STAT4: variants seen among roughly 807,000 people sequenced by gnomAD.
The protein encoded by STAT4 is signal transducer and activator of transcription 4.
A neutral mutation model predicts 110.5 loss-of-function variants in STAT4; 42 were observed. The observed-to-expected ratio is 0.38, with a 90% CI of 0.30 to 0.49. STAT4 has a LOEUF of 0.49. Ranked by LOEUF, STAT4 falls within the 20% of genes least tolerant of loss-of-function variation. The pLI is 0.95. For synonymous variants in STAT4, 284 were observed against 302.2 expected, an observed-to-expected ratio of 0.94 and a Z score of 0.63; for missense variants, 632 against 887.9, an observed-to-expected ratio of 0.71 and a Z score of 3.66.
At chr2:191,137,964 T>A (rs946114783) in intron 3 of STAT4, among the ~76,000 whole-genome samples, 11 of 152,226 alleles carry the variant, frequency 7.2e-5, no homozygotes, top group African/African-American at 2.4e-4. Context: ...ATTTTATGCT[T>A]ATGACCTCAA....
chr2:191,129,314 C>T (rs1698967059), intron 3 of STAT4, among the ~76,000 whole-genome samples: 1 of 152,104 alleles, frequency 6.6e-6, no homozygotes, highest in Admixed American at 6.5e-5. Flanking sequence ...AATGCACAGG[C>T]ATGGTGGTGC....
chr2:191,061,266 C>T lies in STAT4; in HGVS notation c.1034+463G>A, dbSNP rs1381365742. On this transcript the variant is annotated intron_variant, in intron 10 of 23. Transcript: ENST00000392320. This position sits in a 1 kb window ranked among gnomAD's most constrained non-coding sequence, Gnocchi z 6.2. ...TGGGTAATCTCAGGAGATGAATGTG[C>T]CACTGTGTTTCCTGGATAGGATATT... Among the ~76,000 whole-genome samples, 2 of 152,114 alleles carry T rather than the reference C, an allele frequency of 1.3e-5. No homozygotes were observed. The highest frequency in any genetic ancestry group is 1.9e-4 in the East Asian group (1 of 5,188).
chr2:191,030,830 C>G lies in STAT4; in HGVS notation c.2220+142G>C, dbSNP rs1695872014. Reference sequence around the variant, plus strand: ...GCAACACGCAGGACCATCCAGACACCTTTTGTGTTATGCTCATGAATTTGT... The same window carrying G: ...GCAACACGCAGGACCATCCAGACACGTTTTGTGTTATGCTCATGAATTTGT... On this transcript the variant is annotated intron_variant, in intron 23 of 23. Transcript: ENST00000392320. The surrounding 1 kb of genome is among the most constrained non-coding windows in gnomAD (Gnocchi z 4.4). 2 of 723,120 alleles carry G rather than the reference C, an allele frequency of 2.8e-6. No homozygotes were observed. The highest frequency in any genetic ancestry group is 1.8e-5 in the African/African-American group (1 of 56,942). 44.8% of individuals were successfully genotyped at this position (723,120 alleles called of 1,614,324 possible). A position where few individuals can be genotyped will look rare whatever the true frequency, so the allele number is the denominator to read the frequency against.
intron 3 of STAT4, among the ~76,000 whole-genome samples, chr2:191,121,638 G>T (rs1436644950): frequency 6.6e-6 from 1 of 152,008 alleles, no homozygotes; most frequent in African/African-American, 2.4e-5. Flanking sequence ...GGATGAAGCT[G>T]GAAACCATCA....
At chr2:191,034,031 G>C in intron 18 of STAT4, 26 bp from the exon 19 acceptor site, 1 of 1,437,636 alleles carries the variant, frequency 7.0e-7, no homozygotes, top group Non-Finnish European at 9.6e-7. Flanking sequence ...AGCACATTAA[G>C]ACAATGATTA....
At chr2:191,065,050 G>C (rs1696950524) in intron 7 of STAT4, 92 bp from the exon 8 acceptor site, 2 of 1,339,650 alleles carry the variant, frequency 1.5e-6, no homozygotes, top group South Asian at 3.7e-5. Context: ...GTAGACAAAG[G>C]CTTGGTTAAA....
Position 191,042,318 on chromosome 2 carries a change from A to G in STAT4, c.1252-1170T>C, listed in dbSNP as rs1696224768. Reference sequence around the variant, plus strand: ...AACAAAAAACTCAGAGGAAAAGCAAAAAGTAAAAATAAATAAATAAATAAA... The same window carrying G: ...AACAAAAAACTCAGAGGAAAAGCAAGAAGTAAAAATAAATAAATAAATAAA... On this transcript the variant is annotated intron_variant, in intron 14 of 23. Transcript: ENST00000392320. This position sits in a 1 kb window ranked among gnomAD's most constrained non-coding sequence, Gnocchi z 4.2. Among the ~76,000 whole-genome samples, 1 of 152,212 alleles carries G rather than the reference A, an allele frequency of 6.6e-6. No individual in the cohort carries two copies. The highest frequency in any genetic ancestry group is 1.5e-5 in the Non-Finnish European group (1 of 68,036).
chr2:191,073,637 C>G (rs909346502), intron 4 of STAT4, among the ~76,000 whole-genome samples: 2 of 152,198 alleles, frequency 1.3e-5, no homozygotes, highest in African/African-American at 2.4e-5. Context: ...TTGCATTGAG[C>G]TGAGATCGTG....
At chr2:191,108,483 AACTG>A (rs1438299596) in intron 3 of STAT4, among the ~76,000 whole-genome samples, 4 of 152,316 alleles carry the variant, frequency 2.6e-5, no homozygotes, top group African/African-American at 7.2e-5. Flanking sequence ...CAGATTCAGA[AACTG>A]ACTGTGAAGT....
At chr2:191,048,916 A>C (rs16833214) in intron 14 of STAT4, among the ~76,000 whole-genome samples, 1 of 151,476 alleles carries the variant, frequency 6.6e-6, no homozygotes, top group Non-Finnish European at 1.5e-5. Context: ...TATATGGTAC[A>C]TCACATTATA....
At chr2:191,128,822 C>T (rs17769459) in intron 3 of STAT4, among the ~76,000 whole-genome samples, 5,333 of 152,258 alleles carry the variant, frequency 0.035, 144 homozygotes, top group Non-Finnish European at 0.06. Flanking sequence ...CTGAGCAGAG[C>T]TTTCTAATTG....
chr2:191,065,078 T>C (rs1696951133), intron 7 of STAT4, 120 bp from the exon 8 acceptor site: 3 of 1,053,340 alleles, frequency 2.8e-6, no homozygotes, highest in Admixed American at 6.1e-5. Flanking sequence ...CCAAATATTT[T>C]ACTAAATGCT....
chr2:191,054,422 G>T (rs116395752), intron 14 of STAT4, 68 bp downstream of exon 14: 3 of 1,323,286 alleles, frequency 2.3e-6, no homozygotes, highest in East Asian at 2.3e-5. Context: ...CAGTTTAAAA[G>T]CTTTGTAAAA....
chr2:191,140,705 A>ACTG lies in STAT4; in HGVS notation c.273+5905_273+5907dup, dbSNP rs1435346857. 1.3e-5 allele frequency among the ~76,000 whole-genome samples: 2 copies of ACTG among 152,178 alleles called. No homozygotes were observed. Among genetic ancestry groups the ACTG allele is most frequent in the Non-Finnish European group, 2.9e-5 (2 of 68,016 alleles). On this transcript the variant is annotated intron_variant, in intron 3 of 23. Coordinates refer to ENST00000392320, the MANE Select transcript of STAT4 (RefSeq NM_003151.4). This position sits in a 1 kb window ranked among gnomAD's most constrained non-coding sequence, Gnocchi z 4.4. ...TGGAGATTCCTCAAAGAAAAGCAGA[A>ACTG]CTGCTATTTAATCCAGCAATCCCAC...
rs999247781 is a variant in STAT4 at position 191,032,709 on chromosome 2, G to A, written c.2044+249C>T. Among the ~76,000 whole-genome samples the A allele has an allele frequency of 1.3e-5, 2 of 152,140 alleles. No individual in the cohort carries two copies. The highest frequency in any genetic ancestry group is 2.4e-5 in the African/African-American group (1 of 41,408). On this transcript the variant is annotated intron_variant, in intron 21 of 23. Coordinates refer to ENST00000392320, the MANE Select transcript of STAT4 (RefSeq NM_003151.4). This position sits in a 1 kb window ranked among gnomAD's most constrained non-coding sequence, Gnocchi z 4.9. ...TGAAGCTCTCCAAGTGGCTATGAGA[G>A]GCCCCCATGGCCATGGTGAAGTTTA... is the stretch of plus-strand genomic sequence containing the variant.
chr2:191,130,744 G>A (rs1029460770), intron 3 of STAT4, among the ~76,000 whole-genome samples: 1 of 151,436 alleles, frequency 6.6e-6, no homozygotes, highest in African/African-American at 2.4e-5. Context: ...TTTAATTTGT[G>A]GTGAGCTTAT....
intron 3 of STAT4, among the ~76,000 whole-genome samples, chr2:191,128,083 G>C (rs1027443143): frequency 1.2e-5 from 1 of 86,874 alleles, no homozygotes; most frequent in African/African-American, 4.0e-5. Context: ...TTCACATTTC[G>C]TCTTAAACAG....
At chr2:191,075,813 T>C (rs1697297736) in intron 4 of STAT4, among the ~76,000 whole-genome samples, 3 of 151,084 alleles carry the variant, frequency 2.0e-5, no homozygotes, top group East Asian at 1.9e-4. Context: ...AAAGATTCTT[T>C]AAAAATGTCT....
rs928812544 is a variant in STAT4 at position 191,117,932 on chromosome 2, T to C, written c.273+28681A>G. ...AAACACAAACTGAGAAGGATGTATC[T>C]ATCTACACTGTTCAAGAGGAAGATA... On this transcript the variant is annotated intron_variant, in intron 3 of 23. Transcript: ENST00000392320. This position sits in a 1 kb window ranked among gnomAD's most constrained non-coding sequence, Gnocchi z 5.2. Among the ~76,000 whole-genome samples, 3 of 152,090 alleles carry C rather than the reference T, an allele frequency of 2.0e-5. No homozygotes were observed. The highest frequency in any genetic ancestry group is 4.4e-5 in the Non-Finnish European group (3 of 68,004).
Sources: allele counts gnomAD v4.1 joint callset (sites outside exome capture counted in the v4.1 genomes callset), GRCh38; gene constraint gnomAD v4.1.1; non-coding constraint Gnocchi (gnomAD v3.1); transcripts MANE v1.5; gene names NCBI Gene and HGNC (gene_info 2026-07-23, HGNC 2026-07-21).